The following SCTR variants were observed in gnomAD, a reference collection of about 807,000 sequenced individuals.
SCTR encodes pancreatic secretin receptor.
SCTR carries 56 observed loss-of-function variants against 60.8 expected under a neutral mutation model. The observed-to-expected ratio is 0.92, with a 90% CI of 0.74 to 1.15. SCTR has a LOEUF of 1.15. Ranked by LOEUF, SCTR falls within the 50% of genes most tolerant of loss-of-function variation. The probability of loss-of-function intolerance (pLI) is 0.00; values close to 1 mark genes in which losing one functional copy is unlikely to be tolerated. For synonymous variants in SCTR, 202 were observed against 217.0 expected, an observed-to-expected ratio of 0.93 and a Z score of 0.61; for missense variants, 562 against 550.4, an observed-to-expected ratio of 1.02 and a Z score of -0.21.
intron 2 of SCTR, 104 bp from the exon 3 acceptor site, chr2:119,479,022 A>G: frequency 1.3e-6 from 2 of 1,537,654 alleles, no homozygotes; most frequent in Non-Finnish European, 8.8e-7. Flanking sequence ...AATTCCCACT[A>G]GACTACTTTC....
chr2:119,509,897 A>G (rs1035542533), intron 1 of SCTR, among the ~76,000 whole-genome samples: 12 of 152,156 alleles, frequency 7.9e-5, no homozygotes, highest in Non-Finnish European at 1.6e-4. Flanking sequence ...ACATAAATGA[A>G]TCACACAGTA....
At chr2:119,502,740 C>A (rs1678592592) in intron 1 of SCTR, among the ~76,000 whole-genome samples, 1 of 151,458 alleles carries the variant, frequency 6.6e-6, no homozygotes, top group Non-Finnish European at 1.5e-5. Flanking sequence ...ACTTGTAATC[C>A]CAGTGCTTAG....
At chr2:119,509,927 C>T (rs1022253724) in intron 1 of SCTR, among the ~76,000 whole-genome samples, 1 of 152,072 alleles carries the variant, frequency 6.6e-6, no homozygotes, top group Non-Finnish European at 1.5e-5. Flanking sequence ...TTGCACCTCG[C>T]TTGTTTCGCT....
At chr2:119,459,140 A>G (rs72833275) in intron 7 of SCTR, among the ~76,000 whole-genome samples, 7,981 of 152,356 alleles carry the variant, frequency 0.052, 330 homozygotes, top group Middle Eastern at 0.11. Context: ...TCACTGTGCT[A>G]TTTATAATAG....
chr2:119,441,807 ACTC>A, intron 11 of SCTR: 1 of 559,650 alleles, frequency 1.8e-6, no homozygotes, highest in Non-Finnish European at 3.3e-6. Flanking sequence ...TAAACTGTGA[ACTC>A]CTTGCAGCCA....
intron 4 of SCTR, among the ~76,000 whole-genome samples, chr2:119,472,049 C>T (rs867979832): frequency 1.3e-5 from 2 of 152,206 alleles, no homozygotes; most frequent in Non-Finnish European, 2.9e-5. Flanking sequence ...TGGAAATGAA[C>T]AAGACTCTCT....
chr2:119,441,482 C>G, intron 12 of SCTR, 76 bp downstream of exon 12: 1 of 1,191,872 alleles, frequency 8.4e-7, no homozygotes, highest in Non-Finnish European at 1.2e-6. Context: ...ACCACCCCTC[C>G]CAGGTAGCTC....
intron 12 of SCTR, 132 bp from the exon 13 acceptor site, chr2:119,440,389 C>T (rs891185151): frequency 9.9e-7 from 1 of 1,007,052 alleles, no homozygotes; most frequent in Non-Finnish European, 1.4e-6. Context: ...GCCTGCAGGC[C>T]ACGCAGATTG....
rs373116548 is a variant in SCTR at position 119,478,801 on chromosome 2, G to A, written c.301+10C>T. ...GCCTGTCCGCCAGGCCCCATGGGCCGAGTGGTTACCATTTCTGCTGGTGAG... is the reference window on the plus strand; with the variant it reads ...GCCTGTCCGCCAGGCCCCATGGGCCAAGTGGTTACCATTTCTGCTGGTGAG... On this transcript the variant is annotated intron_variant, in intron 3 of 12. Coordinates refer to ENST00000019103, the MANE Select transcript of SCTR (RefSeq NM_002980.3). 65 of 1,613,868 alleles carry A rather than the reference G, an allele frequency of 4.0e-5. No individual in the cohort carries two copies. The highest frequency in any genetic ancestry group is 1.0e-4 in the Admixed American group (6 of 59,996).
intron 4 of SCTR, among the ~76,000 whole-genome samples, chr2:119,466,480 G>A (rs77654997): frequency 0.059 from 8,975 of 152,200 alleles, 871 homozygotes; most frequent in African/African-American, 0.2. Flanking sequence ...GGTCGGGTGC[G>A]TTGGCTCATG....
At chr2:119,470,631 C>T (rs904415122) in intron 4 of SCTR, among the ~76,000 whole-genome samples, 7 of 152,122 alleles carry the variant, frequency 4.6e-5, no homozygotes, top group Admixed American at 1.3e-4. Context: ...TTGGCATGAA[C>T]GTTGTGGTTA....
chr2:119,505,894 A>G (rs1005644104), intron 1 of SCTR, among the ~76,000 whole-genome samples: 5 of 152,220 alleles, frequency 3.3e-5, no homozygotes, highest in Admixed American at 6.5e-5. Flanking sequence ...CAGATGGCAA[A>G]CAAGCACATG....
At position 119,446,754 on chromosome 2, in the gene SCTR, C is replaced by T. The variant is rs368592883; in HGVS notation, c.1140+5G>A. ...CAGCTGGCAGCCCCAGTCCTGGAAA[C>T]TTACCTGGAATGAGCCAAGGGCTAG... On this transcript the variant is annotated splice_donor_5th_base_variant and intron_variant, in intron 11 of 12. Transcript: ENST00000019103. 137 of 1,514,900 alleles carry T rather than the reference C, an allele frequency of 9.0e-5. No individual in the cohort carries two copies. Among genetic ancestry groups the T allele is most frequent in the Non-Finnish European group, 1.2e-4 (134 of 1,126,870 alleles). 93.8% of individuals were successfully genotyped at this position (1,514,900 alleles called of 1,614,324 possible). A position where few individuals can be genotyped will look rare whatever the true frequency, so the allele number is the denominator to read the frequency against.
At chr2:119,448,127 C>T (rs1272056182) in intron 10 of SCTR, among the ~76,000 whole-genome samples, 1 of 152,208 alleles carries the variant, frequency 6.6e-6, no homozygotes, top group Non-Finnish European at 1.5e-5. Flanking sequence ...TGTGAGGACA[C>T]AGCAAGAAAT....
intron 3 of SCTR, among the ~76,000 whole-genome samples, chr2:119,474,619 C>T (rs1022641899): frequency 7.9e-5 from 12 of 152,168 alleles, no homozygotes; most frequent in Non-Finnish European, 1.5e-4. Flanking sequence ...CCCAGCTGAG[C>T]GTGGCATGCT....
At chr2:119,446,644 C>T in intron 11 of SCTR, 115 bp downstream of exon 11, 1 of 1,053,206 alleles carries the variant, frequency 9.5e-7, no homozygotes, top group Non-Finnish European at 1.3e-6. Context: ...CCCCTTCTTC[C>T]CCTGGGTCTC....
chr2:119,524,114 C>T, intron 1 of SCTR, 41 bp downstream of exon 1: 2 of 1,503,418 alleles, frequency 1.3e-6, no homozygotes, highest in East Asian at 2.5e-5. Flanking sequence ...GAGACTGTCG[C>T]TCCCTCGGGT....
At chr2:119,517,475 TTAAAAAAGATTA>T (rs1679151231) in intron 1 of SCTR, among the ~76,000 whole-genome samples, 1 of 152,184 alleles carries the variant, frequency 6.6e-6, no homozygotes, top group Non-Finnish European at 1.5e-5. Context: ...TTTTTATTTT[TTAAAAAAGATTA>T]TAAAAAAGAA....
chr2:119,446,758 C>T lies in SCTR; in HGVS notation c.1140+1G>A. The T allele has an allele frequency of 6.6e-7, 1 of 1,522,556 alleles. No homozygotes were observed. The highest frequency in any genetic ancestry group is 8.8e-7 in the Non-Finnish European group (1 of 1,130,930). The allele number at this position is 1,522,556 out of a possible 1,614,324, so 94.3% of individuals were successfully genotyped here. On this transcript the variant is annotated splice_donor_variant, in intron 11 of 12. Transcript: ENST00000019103. LOFTEE classifies it high-confidence loss of function. ...TGGCAGCCCCAGTCCTGGAAACTTACCTGGAATGAGCCAAGGGCTAGTTCA... is the reference window on the plus strand; with the variant it reads ...TGGCAGCCCCAGTCCTGGAAACTTATCTGGAATGAGCCAAGGGCTAGTTCA...
Sources: gnomAD v4.1 joint callset for allele counts (sites outside exome capture counted in the v4.1 genomes callset) on GRCh38, gnomAD v4.1.1 for gene constraint, MANE v1.5 for transcripts, NCBI Gene and HGNC (gene_info 2026-07-23, HGNC 2026-07-21) for gene names.